OR6C1: variants seen among roughly 807,000 people sequenced by gnomAD.
OR6C1 encodes olfactory receptor family 6 subfamily C member 1.
For missense variants in OR6C1, 386 were observed against 366.1 expected (o/e 1.05, Z -0.44); for synonymous variants, 157 against 133.3 (o/e 1.18, Z -1.22).
chr12:55,321,615 CT>C lies in OR6C1; in HGVS notation c.*78del. The C allele has an allele frequency of 1.1e-6, 1 of 900,674 alleles. No homozygotes were observed. The highest frequency in any genetic ancestry group is 2.3e-4 in the Middle Eastern group (1 of 4,384). The allele number at this position is 900,674 out of a possible 1,614,324, so 55.8% of individuals were successfully genotyped here. A position where few individuals can be genotyped will look rare whatever the true frequency, so the allele number is the denominator to read the frequency against. On this transcript the variant is annotated 3_prime_UTR_variant, in exon 2 of 2. Transcript: ENST00000642104. The stretch of plus-strand genomic sequence containing the variant: ...CAGTAGCTTCTTCAATCAAAATGGC[CT>C]CCTTGCAGTCTTCTGCATCATTTTC...
intron 1 of OR6C1, among the ~76,000 whole-genome samples, chr12:55,318,016 C>T (rs924655587): frequency 9.7e-4 from 140 of 145,052 alleles, no homozygotes; most frequent in African/African-American, 3.4e-3. Context: ...CACATAAATA[C>T]ACACACATAT....
Position 55,321,524 on chromosome 12 carries a change from T to G in OR6C1, c.925T>G (p.Phe309Val), listed in dbSNP as rs770181270. Residue 309 changes from phenylalanine (F) to valine (V), a missense_variant, in exon 2 of 2, where the codon TTC becomes GTC. Transcript: ENST00000642104. ...FINMARKTVFFTST is the reference protein window; with the variant it reads ...FINMARKTVFVTST ...TAACATGGCAAGGAAGACTGTATTT[T>G]TCACAAGCACATGAAATGGTATGGT... is the stretch of plus-strand genomic sequence containing the variant. 3.1e-6 allele frequency: 5 copies of G among 1,609,634 alleles called. No homozygotes were observed. In the Admixed American group the frequency reaches 8.4e-5, roughly 27 times the overall value.
chr12:55,319,428 T>C (rs1385560236), intron 1 of OR6C1, among the ~76,000 whole-genome samples: 1 of 152,178 alleles, frequency 6.6e-6, no homozygotes, highest in African/African-American at 2.4e-5. Context: ...ATTCAAGGAA[T>C]ACACACAGAC....
At chr12:55,315,032 A>G (rs1868386891) in intron 1 of OR6C1, among the ~76,000 whole-genome samples, 1 of 151,710 alleles carries the variant, frequency 6.6e-6, no homozygotes, top group South Asian at 2.1e-4. Context: ...CCTTTAATAA[A>G]TCACAACTAC....
At position 55,321,018 on chromosome 12, in the gene OR6C1, C is replaced by T; in HGVS notation, c.419C>T (p.Thr140Ile). 2 of 1,613,780 alleles carry T rather than the reference C, an allele frequency of 1.2e-6. No individual in the cohort carries two copies. Among genetic ancestry groups the T allele is most frequent in the South Asian group, 2.2e-5 (2 of 91,066 alleles). ...AGTATCATGAATCGAAGAGTCTGCA[C>T]ACTGCTTGTTTTTACTTCTTGGCTG... ...CLSIMNRRVC[T>I]LLVFTSWLVS... Residue 140 changes from threonine (T) to isoleucine (I), a missense_variant, in exon 2 of 2, where the codon ACA becomes ATA. Physicochemically the swap from Thr to Ile is moderately conservative, Grantham distance 89. Coordinates refer to ENST00000642104, the MANE Select transcript of OR6C1 (RefSeq NM_001005182.2).
Position 55,321,378 on chromosome 12 carries a change from C to T in OR6C1, c.779C>T (p.Pro260Leu). ...YGSCIFMYIK[P>L]SAKDRVSLSK... ...AGCTGCATTTTTATGTACATTAAAC[C>T]CTCAGCAAAAGATAGAGTGTCCTTG... The change falls in exon 2 of 2, where the codon CCC becomes CTC. Residue 260 changes from proline to leucine, a missense_variant. By Grantham distance (98) the Pro-to-Leu change is moderately conservative (BLOSUM62 -3). Coordinates refer to ENST00000642104, the MANE Select transcript of OR6C1 (RefSeq NM_001005182.2). 6.2e-7 allele frequency: 1 copy of T among 1,613,870 alleles called. No homozygotes were observed. The highest frequency in any genetic ancestry group is 8.5e-7 in the Non-Finnish European group (1 of 1,179,868).
rs1452280788 is a variant in OR6C1 at position 55,314,384 on chromosome 12, T to C, written c.-249T>C. On this transcript the variant is annotated 5_prime_UTR_variant, in exon 1 of 2. Transcript: ENST00000642104. ...TCAGATACTTTCCCTATTTTATATT[T>C]TTGCTCCTTTCTCACTCTCTACTAT... 6.6e-6 allele frequency: 1 copy of C among 151,382 alleles called. No individual in the cohort carries two copies. Among genetic ancestry groups the C allele is most frequent in the African/African-American group, 2.4e-5 (1 of 41,320 alleles). 9.4% of individuals were successfully genotyped at this position (151,382 alleles called of 1,614,324 possible).
At chr12:55,318,045 A>G (rs1472233693) in intron 1 of OR6C1, among the ~76,000 whole-genome samples, 1 of 151,076 alleles carries the variant, frequency 6.6e-6, no homozygotes. Flanking sequence ...ACATAAATAC[A>G]TATGCACACT....
intron 1 of OR6C1, among the ~76,000 whole-genome samples, chr12:55,317,872 T>G (rs1266947920): frequency 6.7e-6 from 1 of 149,494 alleles, no homozygotes; most frequent in African/African-American, 2.4e-5. Context: ...TAATTTGGGA[T>G]GTCATTACAA....
intron 1 of OR6C1, among the ~76,000 whole-genome samples, chr12:55,317,971 A>G: frequency 6.7e-6 from 1 of 148,648 alleles, no homozygotes; most frequent in East Asian, 1.9e-4. Context: ...ACACACACAT[A>G]TATACACATA....
rs1156282209 is a variant in OR6C1, at chr12:55,321,293, A to G, written c.694A>G (p.Arg232Gly). The change falls in exon 2 of 2, where the codon AGG becomes GGG. Residue 232 changes from arginine to glycine, a missense_variant. Physicochemically the swap from Arg to Gly is moderately radical, Grantham distance 125. Transcript: ENST00000642104. ...TTTGAGAATTCCTTCTACTAGTCAG[A>G]GGACAAAGGCCTTTTCCACATGTTC... ...TILRIPSTSQ[R>G]TKAFSTCSSH... The G allele has an allele frequency of 6.2e-7, 1 of 1,613,456 alleles. No individual in the cohort carries two copies. Among genetic ancestry groups the G allele is most frequent in the Admixed American group, 1.7e-5 (1 of 59,990 alleles).
intron 1 of OR6C1, among the ~76,000 whole-genome samples, chr12:55,318,219 G>GGA (rs1868445899): frequency 7.6e-6 from 1 of 131,790 alleles, no homozygotes; most frequent in South Asian, 2.5e-4. Context: ...GAAGATAAGT[G>GGA]GAGTGTGTGT....
Position 55,321,443 on chromosome 12 carries a change from A to G in OR6C1, c.844A>G (p.Met282Val), listed in dbSNP as rs1168354785. 2 of 1,613,988 alleles carry G rather than the reference A, an allele frequency of 1.2e-6. No homozygotes were observed. The highest frequency in any genetic ancestry group is 3.3e-5 in the Admixed American group (2 of 59,998). Reference sequence around the variant, plus strand: ...AATACTAAACACCTCAGTAGCCCCCATGATGAACCCCTTTATTTACAGCCT... The same window carrying G: ...AATACTAAACACCTCAGTAGCCCCCGTGATGAACCCCTTTATTTACAGCCT... The part of the protein sequence containing the change: ...VAILNTSVAP[M>V]MNPFIYSLRN... The change falls in exon 2 of 2, where the codon ATG becomes GTG. Residue 282 changes from methionine (M) to valine (V), a missense_variant. By Grantham distance (21) the Met-to-Val change is conservative. Coordinates refer to ENST00000642104, the MANE Select transcript of OR6C1 (RefSeq NM_001005182.2).
chr12:55,321,247 C>T lies in OR6C1; in HGVS notation c.648C>T (p.Tyr216=), dbSNP rs772281965. ...MFTLALIFLS[Y]IYIIRTILRI... is the part of the protein sequence containing the mutation. ...CTTTGGCATTAATATTTCTGTCCTA[C>T]ATATACATTATCAGAACAATTTTGA... The change falls in exon 2 of 2, where the codon TAC becomes TAT. Residue 216 remains tyrosine, a synonymous_variant. Transcript: ENST00000642104. 5 of 1,613,842 alleles carry T rather than the reference C, an allele frequency of 3.1e-6. No homozygotes were observed. Among genetic ancestry groups the T allele is most frequent in the Non-Finnish European group, 4.2e-6 (5 of 1,179,782 alleles).
intron 1 of OR6C1, among the ~76,000 whole-genome samples, chr12:55,319,145 A>C (rs1386894924): frequency 1.4e-5 from 2 of 147,514 alleles, no homozygotes; most frequent in Non-Finnish European, 3.1e-5. Flanking sequence ...CTGAAATATC[A>C]TGAAATATCA....
At chr12:55,318,850 G>C (rs1392778277) in intron 1 of OR6C1, among the ~76,000 whole-genome samples, 1 of 151,418 alleles carries the variant, frequency 6.6e-6, no homozygotes. Flanking sequence ...ATTTTCAGAC[G>C]TAGTAAATGG....
At position 55,321,439 on chromosome 12, in the gene OR6C1, C is replaced by A. The variant is rs746157760; in HGVS notation, c.840C>A (p.Ala280=). The change falls in exon 2 of 2, where the codon GCC becomes GCA. Residue 280 remains alanine, a synonymous_variant. Coordinates refer to ENST00000642104, the MANE Select transcript of OR6C1 (RefSeq NM_001005182.2). ...TGGCAATACTAAACACCTCAGTAGC[C>A]CCCATGATGAACCCCTTTATTTACA... is the stretch of plus-strand genomic sequence containing the variant. ...KGVAILNTSV[A]PMMNPFIYSL... is the part of the protein sequence containing the mutation. 4 of 1,613,716 alleles carry A rather than the reference C, an allele frequency of 2.5e-6. No homozygotes were observed. The highest frequency in any genetic ancestry group is 2.5e-6 in the Non-Finnish European group (3 of 1,179,784).
chr12:55,315,859 T>G (rs1014059592), intron 1 of OR6C1, among the ~76,000 whole-genome samples: 2 of 151,488 alleles, frequency 1.3e-5, no homozygotes, highest in Non-Finnish European at 3.0e-5. Flanking sequence ...AGCTAAATAA[T>G]TTTCTTTTTC....
intron 1 of OR6C1, among the ~76,000 whole-genome samples, chr12:55,314,901 T>A (rs2120436504): frequency 6.6e-6 from 1 of 151,714 alleles, no homozygotes; most frequent in East Asian, 1.9e-4. Flanking sequence ...CTATATGAAT[T>A]AAGTTATATA....
Sources: gnomAD v4.1 joint callset for allele counts (sites outside exome capture counted in the v4.1 genomes callset) on GRCh38, gnomAD v4.1.1 for gene constraint, MANE v1.5 for transcripts, NCBI Gene and HGNC (gene_info 2026-07-23, HGNC 2026-07-21) for gene names.